The following GPHN variants were observed in gnomAD, a reference collection of about 807,000 sequenced individuals.
The protein encoded by GPHN is gephyrin.
A neutral mutation model predicts 95.5 loss-of-function variants in GPHN; 17 were observed. That is an observed-to-expected ratio of 0.18 (90% CI 0.12 to 0.27). The LOEUF is 0.27. Ranked by LOEUF, GPHN falls within the 10% of genes least tolerant of loss-of-function variation. The probability of loss-of-function intolerance (pLI) is 1.00; values close to 1 mark genes in which losing one functional copy is unlikely to be tolerated. For missense variants in GPHN, 660 were observed against 978.1 expected (o/e 0.67, Z 4.34); for synonymous variants, 320 against 322.5 (o/e 0.99, Z 0.08).
chr14:66,849,777 A>T (rs1358467091), intron 4 of GPHN, among the ~76,000 whole-genome samples: 1 of 152,100 alleles, frequency 6.6e-6, no homozygotes, highest in Non-Finnish European at 1.5e-5. Flanking sequence ...TGTAACCACA[A>T]AGAGGAGTGT....
chr14:66,864,889 A>G (rs2063169421), intron 4 of GPHN, among the ~76,000 whole-genome samples: 1 of 151,398 alleles, frequency 6.6e-6, no homozygotes, highest in Non-Finnish European at 1.5e-5. Context: ...CAGCAGATGA[A>G]TGGATAAAGA....
At chr14:67,235,968 T>C in the GPHN span, among the ~76,000 whole-genome samples, 1 of 152,086 alleles carries the variant, frequency 6.6e-6, no homozygotes, top group Non-Finnish European at 1.5e-5. Flanking sequence ...TTAAATTAAA[T>C]TGATAAAAAT....
the GPHN span, among the ~76,000 whole-genome samples, chr14:67,541,395 A>G: frequency 6.6e-6 from 1 of 152,224 alleles, no homozygotes; most frequent in Non-Finnish European, 1.5e-5. Context: ...CATTGTAATT[A>G]GATTTTCCTA....
At chr14:66,779,717 T>A (rs2059537662) in intron 3 of GPHN, among the ~76,000 whole-genome samples, 1 of 152,026 alleles carries the variant, frequency 6.6e-6, no homozygotes, top group African/African-American at 2.4e-5. Context: ...GATACCAGAT[T>A]ATAGGGTATA....
chr14:66,578,984 T>C (rs2061031629), intron 1 of GPHN, among the ~76,000 whole-genome samples: 1 of 151,836 alleles, frequency 6.6e-6, no homozygotes, highest in Non-Finnish European at 1.5e-5. Context: ...AGTAAGAAGG[T>C]TAAATATAAA....
intron 9 of GPHN, among the ~76,000 whole-genome samples, chr14:66,993,412 ATATGT>A (rs1429348813): frequency 1.3e-5 from 2 of 152,210 alleles, no homozygotes; most frequent in African/African-American, 4.8e-5. Flanking sequence ...GTTATATAAA[ATATGT>A]TATTAGAGTA....
chr14:66,523,633 T>G (rs769261972), intron 1 of GPHN, among the ~76,000 whole-genome samples: 19 of 152,134 alleles, frequency 1.2e-4, no homozygotes, highest in Non-Finnish European at 2.6e-4. Context: ...CTTTAGTTTT[T>G]TTCATCTGTC....
chr14:66,532,408 A>G (rs968781131), intron 1 of GPHN, among the ~76,000 whole-genome samples: 1 of 152,200 alleles, frequency 6.6e-6, no homozygotes, highest in African/African-American at 2.4e-5. Flanking sequence ...ATTGTGAGAC[A>G]GAGGAAGCAG....
At chr14:66,705,277 A>T (rs1440749157) in intron 2 of GPHN, among the ~76,000 whole-genome samples, 34 of 152,348 alleles carry the variant, frequency 2.2e-4, no homozygotes, top group South Asian at 6.2e-4. Context: ...ATTATTCCAA[A>T]CAGTTGAAAA....
intron 1 of GPHN, among the ~76,000 whole-genome samples, chr14:66,543,399 A>T (rs1415361573): frequency 6.6e-6 from 1 of 151,882 alleles, no homozygotes; most frequent in Non-Finnish European, 1.5e-5. Flanking sequence ...TTTTTTTCAC[A>T]TGACTTCTGG....
At chr14:67,606,935 C>T in the GPHN span, among the ~76,000 whole-genome samples, 10 of 152,060 alleles carry the variant, frequency 6.6e-5, no homozygotes, top group African/African-American at 2.4e-4. Context: ...CGTGAGCCAC[C>T]CTGCCCGGCC....
chr14:67,376,365 A>G, the GPHN span: 2 of 1,365,882 alleles, frequency 1.5e-6, no homozygotes, highest in Admixed American at 2.5e-5. Context: ...AAATTATGTT[A>G]TTTACTAAAA....
chr14:66,740,189 C>T (rs923867822), intron 2 of GPHN, among the ~76,000 whole-genome samples: 1 of 152,004 alleles, frequency 6.6e-6, no homozygotes, highest in African/African-American at 2.4e-5. Flanking sequence ...AATATATGGT[C>T]AAATATGCTC....
At chr14:67,193,616 G>A in the GPHN span, among the ~76,000 whole-genome samples, 5 of 144,918 alleles carry the variant, frequency 3.5e-5, no homozygotes, top group Admixed American at 6.9e-5. Context: ...TATATAGATA[G>A]AAATATATCT....
the GPHN span, chr14:67,312,396 A>T: frequency 1.7e-6 from 1 of 577,954 alleles, no homozygotes; most frequent in Non-Finnish European, 2.7e-6. Context: ...TGGACAACAT[A>T]CTGAGATGCT....
chr14:66,645,120 C>G (rs909777687), intron 1 of GPHN, among the ~76,000 whole-genome samples: 19 of 151,986 alleles, frequency 1.3e-4, no homozygotes, highest in African/African-American at 4.3e-4. Context: ...TTAAATTGCA[C>G]TTGTAATTTT....
At chr14:67,728,703 T>TG in the GPHN span, among the ~76,000 whole-genome samples, 26,722 of 141,976 alleles carry the variant, frequency 0.19, 2,611 homozygotes, top group East Asian at 0.26. Context: ...GGATATCTTG[T>TG]GGGGGGGGGG....
At chr14:66,628,421 T>G (rs907513554) in intron 1 of GPHN, among the ~76,000 whole-genome samples, 1 of 152,084 alleles carries the variant, frequency 6.6e-6, no homozygotes, top group Non-Finnish European at 1.5e-5. Flanking sequence ...TTGTAGGCAG[T>G]TATAACACAA....
intron 4 of GPHN, among the ~76,000 whole-genome samples, chr14:66,867,424 G>C (rs948755444): frequency 6.6e-6 from 1 of 152,044 alleles, no homozygotes; most frequent in Non-Finnish European, 1.5e-5. Context: ...TCTTACTTCC[G>C]TTCTGCTCTG....
Sources: allele counts gnomAD v4.1 joint callset (sites outside exome capture counted in the v4.1 genomes callset), GRCh38; gene constraint gnomAD v4.1.1; transcripts MANE v1.5; gene names NCBI Gene and HGNC (gene_info 2026-07-23, HGNC 2026-07-21).